ZNF513: variants seen among roughly 807,000 people sequenced by gnomAD.
ZNF513 encodes the protein zinc finger protein 513.
A neutral mutation model predicts 39.7 loss-of-function variants in ZNF513; 16 were observed. The observed-to-expected ratio is 0.40, with a 90% confidence interval of 0.27 to 0.61. ZNF513 has a LOEUF of 0.61. Among genes scored for constraint, ZNF513 ranks in the 20% least tolerant of loss-of-function variants. ZNF513 has a pLI of 0.39. For missense variants in ZNF513, 699 were observed against 743.6 expected (o/e 0.94, Z 0.70); for synonymous variants, 348 against 296.5 (o/e 1.17, Z -1.79).
rs1461337185 is a variant in ZNF513 at position 27,379,074 on chromosome 2, A to G, written c.212-20T>C. 2 of 1,609,374 alleles carry G rather than the reference A, an allele frequency of 1.2e-6. No homozygotes were observed. The highest frequency in any genetic ancestry group is 1.7e-6 in the Non-Finnish European group (2 of 1,177,452). On this transcript the variant is annotated intron_variant, in intron 2 of 3. Transcript: ENST00000323703. ...AGTCTCCTGGTGAAATAGACATAAG[A>G]AGAGACATCAGCATAGGGTAGGATC...
Position 27,380,550 on chromosome 2 carries a change from GCCT to G in ZNF513, c.-27_-25del. 6 of 1,550,560 alleles carry G rather than the reference GCCT, an allele frequency of 3.9e-6. No homozygotes were observed. The highest frequency in any genetic ancestry group is 4.4e-6 in the Non-Finnish European group (5 of 1,140,452). ...ATCGTGACCGGCTCCAGCCCGACGC[GCCT>G]CCGGCCTGCGGCCGCCCGACCCCGC... is the stretch of plus-strand genomic sequence containing the variant. On this transcript the variant is annotated 5_prime_UTR_variant, in exon 1 of 4. Coordinates refer to ENST00000323703, the MANE Select transcript of ZNF513 (RefSeq NM_144631.6).
In ZNF513 at chr2:27,380,231, G is replaced by C; in HGVS notation, c.73C>G (p.Leu25Val). The C allele has an allele frequency of 1.9e-6, 3 of 1,613,870 alleles. No homozygotes were observed. Among genetic ancestry groups the C allele is most frequent in the Non-Finnish European group, 2.5e-6 (3 of 1,179,978 alleles). The change falls in exon 2 of 4, where the codon CTC becomes GTC. Residue 25 changes from leucine (L) to valine (V), a missense_variant. Transcript: ENST00000323703. The part of the protein sequence containing the change: ...EGVKVDTEDS[L>V]DEGPGALVLE... Reference sequence around the variant, plus strand: ...ACCAGGGCCCCGGGTCCTTCGTCGAGGGAGTCTTCAGTATCCACTGAAGAG... The same window carrying C: ...ACCAGGGCCCCGGGTCCTTCGTCGACGGAGTCTTCAGTATCCACTGAAGAG...
rs771059373 is a variant in ZNF513, at chr2:27,378,781, G to A, written c.485C>T (p.Ser162Leu). The A allele has an allele frequency of 6.2e-6, 10 of 1,613,946 alleles. No individual in the cohort carries two copies. Among genetic ancestry groups the A allele is most frequent in the South Asian group, 3.3e-5 (3 of 91,080 alleles). Residue 162 changes from serine (S) to leucine (L), a missense_variant, in exon 3 of 4, where the codon TCG becomes TTG. This residue lies in a region of ZNF513 where 530 missense variants were observed against 499.3 expected (regional missense o/e 1.06). Coordinates refer to ENST00000323703, the MANE Select transcript of ZNF513 (RefSeq NM_144631.6). The surrounding 1 kb of genome is among the most constrained non-coding windows in gnomAD (Gnocchi z 8.0). ...CTGCATGTGCCGCTTCAGGTGGCTC[G>A]AGTAGTGGGACACGAAGGTGCAGAG... Reference protein sequence around the residue: ...CRLCTFVSHYSSHLKRHMQTH... With the variant: ...CRLCTFVSHYLSHLKRHMQTH...
In ZNF513 at chr2:27,378,789, G is replaced by T. The variant is rs1683476875; in HGVS notation, c.477C>A (p.Ser159=). 6.2e-7 allele frequency: 1 copy of T among 1,613,784 alleles called. No individual in the cohort carries two copies. The highest frequency in any genetic ancestry group is 1.3e-5 in the African/African-American group (1 of 74,916). The change falls in exon 3 of 4, where the codon TCC becomes TCA. Residue 159 remains serine (S), a synonymous_variant. Transcript: ENST00000323703. The surrounding 1 kb of genome is among the most constrained non-coding windows in gnomAD (Gnocchi z 8.0). The part of the protein sequence containing the change: ...LYSCRLCTFV[S]HYSSHLKRHM... ...GCCGCTTCAGGTGGCTCGAGTAGTG[G>T]GACACGAAGGTGCAGAGGCGGCATG...
In ZNF513 at chr2:27,380,115, C is replaced by T; in HGVS notation, c.189G>A (p.Met63Ile). 1.2e-6 allele frequency: 2 copies of T among 1,614,154 alleles called. No individual in the cohort carries two copies. Among genetic ancestry groups the T allele is most frequent in the Non-Finnish European group, 1.7e-6 (2 of 1,180,016 alleles). The change falls in exon 2 of 4, where the codon ATG (methionine) becomes ATA (isoleucine). Residue 63 changes from methionine to isoleucine, a missense_variant. Physicochemically the swap from Met to Ile is conservative, Grantham distance 10 (BLOSUM62 1). Transcript: ENST00000323703. Reference sequence around the variant, plus strand: ...CACCTTCCGAGTCTCTCTCGAAGCCCATGAGCTGGTCACTGTTGCCGTCGC... The same window carrying T: ...CACCTTCCGAGTCTCTCTCGAAGCCTATGAGCTGGTCACTGTTGCCGTCGC... ...EEGDGNSDQL[M>I]GFERDSEGDS...
At position 27,378,213 on chromosome 2, in the gene ZNF513, C is replaced by G. The variant is rs757722335; in HGVS notation, c.958G>C (p.Gly320Arg). ...LLFPWTCRGC[G>R]QELEEGEGSR... ...CCCTCACCCTCCTCCAGCTCTTGTC[C>G]ACAGCCCCGGCAGGTCCAAGGGAAT... Residue 320 changes from glycine (G) to arginine (R), a missense_variant, in exon 4 of 4, where the codon GGA (glycine) becomes CGA (arginine). Gly to Arg is a moderately radical substitution (Grantham distance 125). Around this residue, in one of 3 missense-constraint regions of ZNF513, gnomAD observed 530 missense variants for 499.3 expected, o/e 1.06. Coordinates refer to ENST00000323703, the MANE Select transcript of ZNF513 (RefSeq NM_144631.6). This position sits in a 1 kb window ranked among gnomAD's most constrained non-coding sequence, Gnocchi z 8.0. 6.2e-7 allele frequency: 1 copy of G among 1,607,266 alleles called. No homozygotes were observed. Among genetic ancestry groups the G allele is most frequent in the Non-Finnish European group, 8.5e-7 (1 of 1,179,940 alleles).
intron 1 of ZNF513, 86 bp from the exon 2 acceptor site, chr2:27,380,334 T>G: frequency 6.2e-7 from 1 of 1,610,784 alleles, no homozygotes; most frequent in Non-Finnish European, 8.5e-7. Flanking sequence ...CCCACTCTGA[T>G]TCCCTTAGTG....
chr2:27,378,343 G>C lies in ZNF513; in HGVS notation c.828C>G (p.Leu276=), dbSNP rs555871791. 6.2e-7 allele frequency: 1 copy of C among 1,602,152 alleles called. No individual in the cohort carries two copies. Among genetic ancestry groups the C allele is most frequent in the East Asian group, 2.2e-5 (1 of 44,882 alleles). The change falls in exon 4 of 4, where the codon CTC becomes CTG. Residue 276 remains leucine (L), a synonymous_variant. Coordinates refer to ENST00000323703, the MANE Select transcript of ZNF513 (RefSeq NM_144631.6). This position sits in a 1 kb window ranked among gnomAD's most constrained non-coding sequence, Gnocchi z 8.0. ...AACTGGCACCACCTGGTGGCACATG[G>C]AGGCTCAAATCTGGAAGGAGCAGAG... is the stretch of plus-strand genomic sequence containing the variant. ...EDALLLPDLS[L]HVPPGGASFL...
Position 27,377,432 on chromosome 2 carries a change from T to C in ZNF513, c.*113A>G. The C allele has an allele frequency of 2.5e-6, 3 of 1,191,710 alleles. No individual in the cohort carries two copies. The South Asian group carries it at 3.8e-5, about 15-fold the overall frequency. The allele number at this position is 1,191,710 out of a possible 1,614,324, so 73.8% of individuals were successfully genotyped here. On this transcript the variant is annotated 3_prime_UTR_variant, in exon 4 of 4. Transcript: ENST00000323703. The surrounding 1 kb of genome is among the most constrained non-coding windows in gnomAD (Gnocchi z 4.4). ...CATATGGGCCCCCCCGCCCATGGGG[T>C]TGGGCTGGTCCTTATAGTGCCTACG...
intron 1 of ZNF513, 82 bp from the exon 2 acceptor site, chr2:27,380,330 C>A (rs1253893386): frequency 6.2e-7 from 1 of 1,611,354 alleles, no homozygotes; most frequent in African/African-American, 1.3e-5. Context: ...CTGACCCACT[C>A]TGATTCCCTT....
rs1336813625 is a variant in ZNF513 at position 27,378,700 on chromosome 2, T to C, written c.566A>G (p.Gln189Arg). Residue 189 changes from glutamine (Q) to arginine (R), a missense_variant, in exon 3 of 4, where the codon CAG (glutamine) becomes CGG (arginine). By Grantham distance (43) the Gln-to-Arg change is conservative. Around this residue, in one of 3 missense-constraint regions of ZNF513, gnomAD observed 530 missense variants for 499.3 expected, o/e 1.06. Transcript: ENST00000323703. This position sits in a 1 kb window ranked among gnomAD's most constrained non-coding sequence, Gnocchi z 8.0. ...RCGRCPYASA[Q>R]LVNLTRHTRT... The stretch of plus-strand genomic sequence containing the variant: ...GGTATGTCGTGTCAGGTTGACGAGC[T>C]GGGCTGAGGCGTAGGGGCAGCGGCC... The C allele has an allele frequency of 6.2e-7, 1 of 1,613,902 alleles. No individual in the cohort carries two copies. The highest frequency in any genetic ancestry group is 1.1e-5 in the South Asian group (1 of 91,084).
chr2:27,377,279 T>C lies in ZNF513; in HGVS notation c.*266A>G, dbSNP rs558945619. On this transcript the variant is annotated 3_prime_UTR_variant, in exon 4 of 4. Transcript: ENST00000323703. This position sits in a 1 kb window ranked among gnomAD's most constrained non-coding sequence, Gnocchi z 4.4. ...TTATAAAGCACTGAAATAAGTTAAA[T>C]AAACAGGTGGGAGGCTGGGCAGTCC... The C allele has an allele frequency of 1.4e-4, 88 of 618,420 alleles. 1 individual carries two copies. The East Asian group carries it at 1.5e-3, about 10-fold the overall frequency. 38.3% of individuals were successfully genotyped at this position (618,420 alleles called of 1,614,324 possible).
chr2:27,379,269 G>A (rs1683508995), intron 2 of ZNF513, among the ~76,000 whole-genome samples: 1 of 152,126 alleles, frequency 6.6e-6, no homozygotes. Flanking sequence ...TCTAGTGATG[G>A]TAGAATTGAC....
chr2:27,380,547 C>T lies in ZNF513; in HGVS notation c.-21G>A, dbSNP rs905125282. The stretch of plus-strand genomic sequence containing the variant: ...GGCATCGTGACCGGCTCCAGCCCGA[C>T]GCGCCTCCGGCCTGCGGCCGCCCGA... On this transcript the variant is annotated 5_prime_UTR_variant, in exon 1 of 4. Coordinates refer to ENST00000323703, the MANE Select transcript of ZNF513 (RefSeq NM_144631.6). 9.0e-6 allele frequency: 14 copies of T among 1,558,260 alleles called. No homozygotes were observed. The highest frequency in any genetic ancestry group is 2.4e-5 in the East Asian group (1 of 42,228).
At position 27,380,122 on chromosome 2, in the gene ZNF513, T is replaced by C; in HGVS notation, c.182A>G (p.Gln61Arg). Residue 61 changes from glutamine (Q) to arginine (R), a missense_variant, in exon 2 of 4, where the codon CAG becomes CGG. Physicochemically the swap from Gln to Arg is conservative, Grantham distance 43. Coordinates refer to ENST00000323703, the MANE Select transcript of ZNF513 (RefSeq NM_144631.6). Reference protein sequence around the residue: ...EEEEGDGNSDQLMGFERDSEG... With the variant: ...EEEEGDGNSDRLMGFERDSEG... ...CGAGTCTCTCTCGAAGCCCATGAGC[T>C]GGTCACTGTTGCCGTCGCCTTCCTC... 6.2e-7 allele frequency: 1 copy of C among 1,614,136 alleles called. No homozygotes were observed. Among genetic ancestry groups the C allele is most frequent in the Non-Finnish European group, 8.5e-7 (1 of 1,180,004 alleles).
Position 27,380,113 on chromosome 2 carries a change from C to T in ZNF513, c.191G>A (p.Gly64Asp). Residue 64 changes from glycine to aspartate, a missense_variant, in exon 2 of 4, where the codon GGC becomes GAC. Physicochemically the swap from Gly to Asp is moderately conservative, Grantham distance 94 (BLOSUM62 -1). Around this residue, in one of 3 missense-constraint regions of ZNF513, gnomAD observed 530 missense variants for 499.3 expected, o/e 1.06. Transcript: ENST00000323703. ...CCCACCTTCCGAGTCTCTCTCGAAG[C>T]CCATGAGCTGGTCACTGTTGCCGTC... Reference protein sequence around the residue: ...EGDGNSDQLMGFERDSEGDSL... With the variant: ...EGDGNSDQLMDFERDSEGDSL... 1.2e-6 allele frequency: 2 copies of T among 1,614,176 alleles called. No individual in the cohort carries two copies. Among genetic ancestry groups the T allele is most frequent in the Non-Finnish European group, 1.7e-6 (2 of 1,180,034 alleles).
In ZNF513 at chr2:27,377,634, G is replaced by A. The variant is rs1360260017; in HGVS notation, c.1537C>T (p.Pro513Ser). ...GLSASEGWAP[P>S]HSPPSVLSSR... ...CTCAAAACAGAGGGTGGGCTATGAGGTGGGGCCCAGCCCTCAGAGGCAGAG... is the reference window on the plus strand; with the variant it reads ...CTCAAAACAGAGGGTGGGCTATGAGATGGGGCCCAGCCCTCAGAGGCAGAG... Residue 513 changes from proline (P) to serine (S), a missense_variant, in exon 4 of 4, where the codon CCT becomes TCT. This residue lies in a region of ZNF513 where 71 missense variants were observed against 64.1 expected (regional missense o/e 1.11). Coordinates refer to ENST00000323703, the MANE Select transcript of ZNF513 (RefSeq NM_144631.6). This position sits in a 1 kb window ranked among gnomAD's most constrained non-coding sequence, Gnocchi z 4.4. 1.2e-6 allele frequency: 2 copies of A among 1,614,144 alleles called. No individual in the cohort carries two copies. The highest frequency in any genetic ancestry group is 1.1e-5 in the South Asian group (1 of 91,084).
At position 27,380,631 on chromosome 2, in the gene ZNF513, C is replaced by T. The variant is rs1267487971; in HGVS notation, c.-105G>A. On this transcript the variant is annotated 5_prime_UTR_variant, in exon 1 of 4. Transcript: ENST00000323703. ...CCTTCCTCTCAGGGCCCGCGGGCCGCCCCCATGCAGCGGCGCGGGCCCTGG... is the reference window on the plus strand; with the variant it reads ...CCTTCCTCTCAGGGCCCGCGGGCCGTCCCCATGCAGCGGCGCGGGCCCTGG... The T allele has an allele frequency of 1.4e-6, 2 of 1,455,136 alleles. No individual in the cohort carries two copies. The highest frequency in any genetic ancestry group is 1.8e-6 in the Non-Finnish European group (2 of 1,106,202). 90.1% of individuals were successfully genotyped at this position (1,455,136 alleles called of 1,614,324 possible).
At position 27,378,424 on chromosome 2, in the gene ZNF513, A is replaced by G. The variant is rs574749623; in HGVS notation, c.799+43T>C. ...ATCCAATCCAAGCATTCCTAGGGTCAGCCACCCATGTCCCAAGATCTTTGG... is the reference window on the plus strand; with the variant it reads ...ATCCAATCCAAGCATTCCTAGGGTCGGCCACCCATGTCCCAAGATCTTTGG... On this transcript the variant is annotated intron_variant, in intron 3 of 3. Transcript: ENST00000323703. The surrounding 1 kb of genome is among the most constrained non-coding windows in gnomAD (Gnocchi z 8.0). 5 of 1,613,132 alleles carry G rather than the reference A, an allele frequency of 3.1e-6. No homozygotes were observed. The highest frequency in any genetic ancestry group is 4.2e-6 in the Non-Finnish European group (5 of 1,179,948).
Sources: gnomAD v4.1 joint callset for allele counts (sites outside exome capture counted in the v4.1 genomes callset) on GRCh38, gnomAD v4.1.1 for gene constraint, gnomAD v4.1.1 regional missense constraint, Gnocchi (gnomAD v3.1) non-coding constraint, MANE v1.5 for transcripts, NCBI Gene and HGNC (gene_info 2026-07-23, HGNC 2026-07-21) for gene names.